DYRK1A: variants seen among roughly 807,000 people sequenced by gnomAD.
DYRK1A encodes dual specificity tyrosine phosphorylation regulated kinase 1A.
DYRK1A carries 9 observed loss-of-function variants against 79.7 expected under a neutral mutation model. The observed-to-expected ratio is 0.11, with a 90% CI of 0.07 to 0.20. The LOEUF (loss-of-function observed/expected upper bound fraction) is 0.20, where lower values mean the gene tolerates loss of function less well. Among genes scored for constraint, DYRK1A ranks in the 10% least tolerant of loss-of-function variants. DYRK1A has a pLI of 1.00. For missense variants in DYRK1A, 622 were observed against 956.0 expected (o/e 0.65, Z 4.61); for synonymous variants, 349 against 329.7 (o/e 1.06, Z -0.63).
chr21:37,402,090 C>CTTATA (rs561759351), intron 1 of DYRK1A, among the ~76,000 whole-genome samples: 4 of 152,118 alleles, frequency 2.6e-5, no homozygotes, highest in Non-Finnish European at 5.9e-5. Flanking sequence ...TTTACTCCTA[C>CTTATA]TTATATTATA....
rs185574614 is a variant in DYRK1A at position 37,516,282 on chromosome 21, G to C, written c.*3751G>C. 6.6e-6 allele frequency: 1 copy of C among 152,162 alleles called. No homozygotes were observed. Among genetic ancestry groups the C allele is most frequent in the East Asian group, 1.9e-4 (1 of 5,198 alleles). The allele number at this position is 152,162 out of a possible 1,614,324, so 9.4% of individuals were successfully genotyped here. ...TGAAAATGTAATGGGGACAAAAGCC[G>C]TGCGTGACTTCGGTATACCCAGACT... On this transcript the variant is annotated 3_prime_UTR_variant, in exon 12 of 12. Coordinates refer to ENST00000647188, the MANE Select transcript of DYRK1A (RefSeq NM_001347721.2).
intron 5 of DYRK1A, 40 bp from the exon 6 acceptor site, chr21:37,486,427 G>C (rs1419963778): frequency 1.5e-6 from 2 of 1,377,042 alleles, no homozygotes; most frequent in Non-Finnish European, 9.6e-7. Flanking sequence ...TGAAATTTTT[G>C]CAATTAATGA....
Position 37,490,596 on chromosome 21 carries a change from C to T in DYRK1A, c.924+135C>T, listed in dbSNP as rs572838385. The T allele has an allele frequency of 1.1e-4, 19 of 172,054 alleles. 1 individual carries two copies. In the South Asian group the frequency reaches 1.7e-3, roughly 15 times the overall value. 10.7% of individuals were successfully genotyped at this position (172,054 alleles called of 1,614,324 possible). On this transcript the variant is annotated intron_variant, in intron 7 of 11. Transcript: ENST00000647188. The stretch of plus-strand genomic sequence containing the variant: ...TTGCTGTTTTTGCAGTGGCAAAAAC[C>T]GCAATTACTTTTGCGCCAACCTAAT...
chr21:37,420,344 A>G lies in DYRK1A; in HGVS notation c.-31A>G. ...ACTCTTCCCTCCCTTCCCCCACCCC[A>G]TCAGGATGATATGAGACTTGAAAGA... On this transcript the variant is annotated 5_prime_UTR_variant, in exon 2 of 12. Transcript: ENST00000647188. 6 of 1,608,350 alleles carry G rather than the reference A, an allele frequency of 3.7e-6. No homozygotes were observed. Among genetic ancestry groups the G allele is most frequent in the Non-Finnish European group, 5.1e-6 (6 of 1,175,900 alleles).
intron 8 of DYRK1A, among the ~76,000 whole-genome samples, chr21:37,495,150 TTTTG>T (rs1217066585): frequency 3.5e-4 from 42 of 120,198 alleles, no homozygotes; most frequent in African/African-American, 1.0e-3. Flanking sequence ...GCCTCTGGGA[TTTTG>T]TGTGTGTGTG....
At chr21:37,376,051 AAGAG>A (rs929257688) in intron 1 of DYRK1A, among the ~76,000 whole-genome samples, 12 of 151,918 alleles carry the variant, frequency 7.9e-5, no homozygotes, top group African/African-American at 2.7e-4. Flanking sequence ...TGGCAGAGAG[AAGAG>A]AGAGTCTGAG....
Position 37,401,345 on chromosome 21 carries a change from C to T in DYRK1A, c.-76-18954C>T, listed in dbSNP as rs144756713. On this transcript the variant is annotated intron_variant, in intron 1 of 11. Transcript: ENST00000647188. ...GTCATGAGCCAATCATGAACATAAA[C>T]GTGTGTATTAATTTTAATATTTGAT... Among the ~76,000 whole-genome samples, 19 of 152,012 alleles carry T rather than the reference C, an allele frequency of 1.2e-4. No individual in the cohort carries two copies. In the East Asian group the frequency reaches 1.5e-3, roughly 12 times the overall value.
chr21:37,392,342 CATT>C (rs2049886321), intron 1 of DYRK1A, among the ~76,000 whole-genome samples: 3 of 152,184 alleles, frequency 2.0e-5, no homozygotes, highest in Non-Finnish European at 2.9e-5. Flanking sequence ...CTTTTGTTCT[CATT>C]AGTTCCTTCC....
Position 37,512,148 on chromosome 21 carries a change from A to G in DYRK1A, c.1882A>G (p.Thr628Ala), listed in dbSNP as rs755674782. ...RTRPRVYNSP[T>A]NSSSTQDSME... ...CAGGCCAAGGGTCTACAATTCTCCA[A>G]CGAATAGCTCCTCTACCCAAGATTC... Residue 628 changes from threonine to alanine, a missense_variant, in exon 12 of 12, where the codon ACG becomes GCG. Transcript: ENST00000647188. 6.2e-7 allele frequency: 1 copy of G among 1,614,114 alleles called. No homozygotes were observed. Among genetic ancestry groups the G allele is most frequent in the Non-Finnish European group, 8.5e-7 (1 of 1,180,010 alleles).
chr21:37,480,365 C>G (rs1013635776), intron 4 of DYRK1A, among the ~76,000 whole-genome samples: 1 of 152,154 alleles, frequency 6.6e-6, no homozygotes, highest in African/African-American at 2.4e-5. Context: ...ATAAATTATA[C>G]TTCAATTTAA....
intron 3 of DYRK1A, among the ~76,000 whole-genome samples, chr21:37,477,494 A>G (rs1057305079): frequency 3.3e-5 from 5 of 152,090 alleles, no homozygotes; most frequent in Non-Finnish European, 7.4e-5. Flanking sequence ...CCCCTGCTCT[A>G]TCATCTGTTG....
At chr21:37,368,101 G>C (rs900385240) in intron 1 of DYRK1A, 4 of 152,354 alleles carry the variant, frequency 2.6e-5, no homozygotes, top group African/African-American at 9.7e-5. Flanking sequence ...GGCGAGGACG[G>C]CGGGGCCGGG....
chr21:37,461,320 C>G (rs770034032), intron 2 of DYRK1A, among the ~76,000 whole-genome samples: 2 of 152,144 alleles, frequency 1.3e-5, no homozygotes, highest in Non-Finnish European at 2.9e-5. Context: ...CAACCGAATA[C>G]TTACATTTAT....
intron 2 of DYRK1A, among the ~76,000 whole-genome samples, chr21:37,455,669 C>T (rs2835752): frequency 0.072 from 10,992 of 152,088 alleles, 1,322 homozygotes; most frequent in African/African-American, 0.25. Flanking sequence ...GGGCTCTCAC[C>T]GTCCCGTGCT....
At chr21:37,456,978 G>A (rs1406012393) in intron 2 of DYRK1A, among the ~76,000 whole-genome samples, 1 of 151,920 alleles carries the variant, frequency 6.6e-6, no homozygotes, top group Non-Finnish European at 1.5e-5. Flanking sequence ...AATACTTTCT[G>A]GTTTGGAAAA....
At chr21:37,385,262 G>T (rs2049737630) in intron 1 of DYRK1A, among the ~76,000 whole-genome samples, 1 of 152,176 alleles carries the variant, frequency 6.6e-6, no homozygotes, top group African/African-American at 2.4e-5. Context: ...CTGTGGGTCA[G>T]ATGTCTGAGC....
rs566304744 is a variant in DYRK1A, at chr21:37,372,053, C to T, written c.-77+4425C>T. Among the ~76,000 whole-genome samples, 13 of 152,116 alleles carry T rather than the reference C, an allele frequency of 8.5e-5. No homozygotes were observed. The South Asian group carries it at 2.5e-3, about 29-fold the overall frequency. The stretch of plus-strand genomic sequence containing the variant: ...TTCTTCTACCAGAGCTATGCATTTT[C>T]TCTTCTGGGTTTTTCACAAAAGCTT... On this transcript the variant is annotated intron_variant, in intron 1 of 11. Transcript: ENST00000647188.
intron 2 of DYRK1A, among the ~76,000 whole-genome samples, chr21:37,443,071 G>T (rs766874663): frequency 1.3e-5 from 2 of 152,098 alleles, no homozygotes; most frequent in Non-Finnish European, 2.9e-5. Flanking sequence ...GGAGCCTCCT[G>T]CCTTGGCCTC....
At chr21:37,406,765 GTA>G (rs2050154480) in intron 1 of DYRK1A, among the ~76,000 whole-genome samples, 3 of 62,732 alleles carry the variant, frequency 4.8e-5, no homozygotes, top group Admixed American at 1.6e-4. Context: ...ATCTATATAT[GTA>G]TATATCTCTA....
Sources: gnomAD v4.1 joint callset for allele counts (sites outside exome capture counted in the v4.1 genomes callset) on GRCh38, gnomAD v4.1.1 for gene constraint, MANE v1.5 for transcripts, NCBI Gene and HGNC (gene_info 2026-07-23, HGNC 2026-07-21) for gene names.